Variants in GRID2IP observed in about 807,000 individuals in gnomAD.
GRID2IP encodes the protein Grid2 interacting protein.
In GRID2IP, 78 loss-of-function variants were observed where a neutral mutation model predicts 114.3. The observed-to-expected ratio is 0.68, with a 90% CI of 0.57 to 0.82. The LOEUF (loss-of-function observed/expected upper bound fraction) is 0.82, where lower values mean the gene tolerates loss of function less well. GRID2IP is among the 40% of genes least tolerant of loss of function. The probability of loss-of-function intolerance (pLI) is 0.00; values close to 1 mark genes in which losing one functional copy is unlikely to be tolerated. For synonymous variants in GRID2IP, 809 were observed against 724.0 expected (o/e 1.12, Z -1.89); for missense variants, 1,727 against 1,678.5 (o/e 1.03, Z -0.51).
intron 16 of GRID2IP, 107 bp from the exon 17 acceptor site, chr7:6,503,270 A>G: frequency 8.3e-7 from 1 of 1,207,766 alleles, no homozygotes; most frequent in Non-Finnish European, 1.1e-6. Context: ...CTTCGGCCCG[A>G]TATTCCGGTA....
intron 1 of GRID2IP, among the ~76,000 whole-genome samples, chr7:6,546,521 A>G (rs947295157): frequency 1.3e-5 from 2 of 150,312 alleles, no homozygotes; most frequent in African/African-American, 2.4e-5. Context: ...GTGAGCCAAG[A>G]TCACGCCATT....
At chr7:6,504,430 C>A (rs967929465) in intron 15 of GRID2IP, among the ~76,000 whole-genome samples, 2 of 149,832 alleles carry the variant, frequency 1.3e-5, no homozygotes, top group Non-Finnish European at 3.0e-5. Context: ...GAAATAGAGA[C>A]GGTCTTTCAG....
chr7:6,549,411 A>C (rs1779933605), intron 1 of GRID2IP, among the ~76,000 whole-genome samples: 1 of 152,080 alleles, frequency 6.6e-6, no homozygotes, highest in Admixed American at 6.6e-5. Flanking sequence ...CCTCATTCTT[A>C]ATCTTCAGGA....
Position 6,516,758 on chromosome 7 carries a change from T to C in GRID2IP, c.1269-2229A>G, listed in dbSNP as rs557930065. 6.6e-6 allele frequency among the ~76,000 whole-genome samples: 1 copy of C among 152,292 alleles called. No homozygotes were observed. The highest frequency in any genetic ancestry group is 1.9e-4 in the East Asian group (1 of 5,184). On this transcript the variant is annotated intron_variant, in intron 7 of 21. Coordinates refer to ENST00000457091, the MANE Select transcript of GRID2IP (RefSeq NM_001145118.2). The surrounding 1 kb of genome is among the most constrained non-coding windows in gnomAD (Gnocchi z 4.3). The stretch of plus-strand genomic sequence containing the variant: ...ACCTTCTAGATAGCAGCAGCAGAAT[T>C]AGTGAAAGTACTAAAGTCTTTAAAA...
chr7:6,509,358 G>A lies in GRID2IP; in HGVS notation c.1772-45C>T, dbSNP rs117174421. Reference sequence around the variant, plus strand: ...TGAGGATTCCTCTTCAGCCAGCACCGAGGTTCCAGGTGCAAGCTGGAGAGA... The same window carrying A: ...TGAGGATTCCTCTTCAGCCAGCACCAAGGTTCCAGGTGCAAGCTGGAGAGA... On this transcript the variant is annotated intron_variant, in intron 11 of 21. Transcript: ENST00000457091. This position sits in a 1 kb window ranked among gnomAD's most constrained non-coding sequence, Gnocchi z 4.9. 0.033 allele frequency: 48,033 copies of A among 1,446,264 alleles called. 921 individuals are homozygous for A. The highest frequency in any genetic ancestry group is 0.057 in the Middle Eastern group (249 of 4,336). The allele number at this position is 1,446,264 out of a possible 1,614,324, so 89.6% of individuals were successfully genotyped here.
chr7:6,549,867 G>C (rs1468165832), intron 1 of GRID2IP, among the ~76,000 whole-genome samples: 2 of 151,652 alleles, frequency 1.3e-5, no homozygotes, highest in Non-Finnish European at 2.9e-5. Context: ...CTGAGTTCAA[G>C]TCATCAGCCC....
chr7:6,542,310 A>C (rs1779825161), intron 1 of GRID2IP, among the ~76,000 whole-genome samples: 1 of 143,390 alleles, frequency 7.0e-6, no homozygotes, highest in Admixed American at 7.1e-5. Context: ...CCATCTCAAA[A>C]AAAAAAAAAA....
In GRID2IP at chr7:6,508,480, G is replaced by T; in HGVS notation, c.2128-79C>A. 6.5e-7 allele frequency: 1 copy of T among 1,536,452 alleles called. No homozygotes were observed. On this transcript the variant is annotated intron_variant, in intron 12 of 21. Transcript: ENST00000457091. This position sits in a 1 kb window ranked among gnomAD's most constrained non-coding sequence, Gnocchi z 5.6. ...GAGCAGGTGCAAAGTGAAGGATCAT[G>T]GGATAGCCTGGGACAAGGACAGGGC...
At chr7:6,518,199 C>T (rs1014543714) in intron 7 of GRID2IP, among the ~76,000 whole-genome samples, 3 of 151,888 alleles carry the variant, frequency 2.0e-5, no homozygotes, top group African/African-American at 7.3e-5. Flanking sequence ...CACTGCACTC[C>T]AGCTTGGGTG....
In GRID2IP at chr7:6,550,313, C is replaced by T. The variant is rs372321136; in HGVS notation, c.429+695G>A. 1.5e-4 allele frequency among the ~76,000 whole-genome samples: 23 copies of T among 152,090 alleles called. No individual in the cohort carries two copies. The East Asian group carries it at 3.3e-3, about 22-fold the overall frequency. ...GTTAAGTTCTAATGGGGAGGATAGA[C>T]AGAGAAAGGGGCACGTGGGAACATT... On this transcript the variant is annotated intron_variant, in intron 1 of 21. Coordinates refer to ENST00000457091, the MANE Select transcript of GRID2IP (RefSeq NM_001145118.2).
At chr7:6,515,370 G>C (rs1779274183) in intron 7 of GRID2IP, among the ~76,000 whole-genome samples, 1 of 152,052 alleles carries the variant, frequency 6.6e-6, no homozygotes, top group African/African-American at 2.4e-5. Flanking sequence ...GCTGAAGTAG[G>C]AGAATCGCTT....
At position 6,551,329 on chromosome 7, in the gene GRID2IP, G is replaced by A; in HGVS notation, c.108C>T (p.Ser36=). The part of the protein sequence containing the change: ...PCFVLEVAKG[S]SAHAGGLRPG... ...GCCGCAGTCCTCCGGCATGCGCGCT[G>A]CTCCCCTTGGCCACCTCCAGGACGA... The change falls in exon 1 of 22, where the codon AGC becomes AGT. Residue 36 remains serine, a synonymous_variant. Transcript: ENST00000457091. 3 of 1,547,360 alleles carry A rather than the reference G, an allele frequency of 1.9e-6. No homozygotes were observed. The highest frequency in any genetic ancestry group is 2.6e-6 in the Non-Finnish European group (3 of 1,146,630).
At chr7:6,543,937 T>A (rs1051433548) in intron 1 of GRID2IP, among the ~76,000 whole-genome samples, 3 of 151,818 alleles carry the variant, frequency 2.0e-5, no homozygotes, top group Non-Finnish European at 2.9e-5. Flanking sequence ...GCTGGGATTA[T>A]AGGCAAATGC....
chr7:6,532,584 C>T lies in GRID2IP; in HGVS notation c.585-5815G>A, dbSNP rs1779652584. 6.6e-6 allele frequency among the ~76,000 whole-genome samples: 1 copy of T among 152,210 alleles called. No homozygotes were observed. Among genetic ancestry groups the T allele is most frequent in the African/African-American group, 2.4e-5 (1 of 41,456 alleles). On this transcript the variant is annotated intron_variant, in intron 2 of 21. Transcript: ENST00000457091. This position sits in a 1 kb window ranked among gnomAD's most constrained non-coding sequence, Gnocchi z 4.4. ...AGCCAGAAACTGGAGCCAGTGCCCA[C>T]TCATGCCGTGCCCTCCCCAAGCCCT... is the stretch of plus-strand genomic sequence containing the variant.
intron 2 of GRID2IP, among the ~76,000 whole-genome samples, chr7:6,529,374 C>T (rs549527235): frequency 6.6e-6 from 1 of 152,112 alleles, no homozygotes; most frequent in African/African-American, 2.4e-5. Flanking sequence ...TTGCTTGAAC[C>T]GGGGAGACAG....
In GRID2IP at chr7:6,502,132, C is replaced by T. The variant is rs1562510515; in HGVS notation, c.3151-14G>A. 1.3e-6 allele frequency: 2 copies of T among 1,550,826 alleles called. No homozygotes were observed. Among genetic ancestry groups the T allele is most frequent in the East Asian group, 2.4e-5 (1 of 40,914 alleles). ...GGTGGAGTTCAGCTGCAAGTGACCC[C>T]CAATATACATTCCCGTCAAGGACCC... On this transcript the variant is annotated splice_polypyrimidine_tract_variant and intron_variant, in intron 18 of 21. Transcript: ENST00000457091.
At chr7:6,544,979 C>T (rs1020379352) in intron 1 of GRID2IP, among the ~76,000 whole-genome samples, 3 of 151,908 alleles carry the variant, frequency 2.0e-5, no homozygotes, top group South Asian at 2.1e-4. Flanking sequence ...CCCAGCTACT[C>T]GGGAGGCTGA....
intron 2 of GRID2IP, chr7:6,537,044 G>A (rs1010621469): frequency 5.2e-6 from 3 of 573,148 alleles, no homozygotes; most frequent in African/African-American, 1.9e-5. Context: ...GGGAGGGGAG[G>A]GATGGAGGAG....
chr7:6,518,918 TG>T (rs1554275980), intron 7 of GRID2IP, among the ~76,000 whole-genome samples: 1 of 144,604 alleles, frequency 6.9e-6, no homozygotes, highest in Non-Finnish European at 1.5e-5. Context: ...AGTTTTTTTT[TG>T]TTTTTTTGTT....
Sources: allele counts gnomAD v4.1 joint callset (sites outside exome capture counted in the v4.1 genomes callset), GRCh38; gene constraint gnomAD v4.1.1; non-coding constraint Gnocchi (gnomAD v3.1); transcripts MANE v1.5; gene names NCBI Gene and HGNC (gene_info 2026-07-23, HGNC 2026-07-21).